The following ANK3 variants were observed in gnomAD, a reference collection of about 807,000 sequenced individuals.
ANK3 encodes the protein ankyrin-3.
ANK3 carries 57 observed loss-of-function variants against 370.9 expected under a neutral mutation model. The ratio of observed to expected loss-of-function variants is 0.15; its 90% CI spans 0.12 to 0.19. ANK3 has a LOEUF of 0.19. Ranked by LOEUF, ANK3 falls within the 10% of genes least tolerant of loss-of-function variation. The pLI is 1.00. For synonymous variants in ANK3, 1,929 were observed against 1,946.3 expected (o/e 0.99, Z 0.23); for missense variants, 4,439 against 5,302.1 (o/e 0.84, Z 5.06).
At chr10:60,697,942 G>T (rs2079486320) in intron 1 of ANK3, among the ~76,000 whole-genome samples, 1 of 151,770 alleles carries the variant, frequency 6.6e-6, no homozygotes, top group African/African-American at 2.4e-5. Flanking sequence ...CACAGCAAAA[G>T]AAACTACCAT....
chr10:60,344,563 A>G (rs2132995194), intron 1 of ANK3, among the ~76,000 whole-genome samples: 1 of 152,262 alleles, frequency 6.6e-6, no homozygotes, highest in South Asian at 2.1e-4. Flanking sequence ...GGCCATTATA[A>G]AGAACACTCC....
At chr10:60,045,536 G>A (rs955129715) in intron 42 of ANK3, among the ~76,000 whole-genome samples, 2 of 152,182 alleles carry the variant, frequency 1.3e-5, no homozygotes, top group Non-Finnish European at 2.9e-5. Flanking sequence ...TATAGTTCGG[G>A]AGAACAAGGA....
intron 1 of ANK3, among the ~76,000 whole-genome samples, chr10:60,289,898 A>G (rs150788014): frequency 6.6e-6 from 1 of 152,312 alleles, no homozygotes; most frequent in African/African-American, 2.4e-5. Context: ...TGAAAGGCCC[A>G]TTCTTCTGTG....
At chr10:60,411,240 A>C (rs1039716431) in intron 2 of ANK3, among the ~76,000 whole-genome samples, 1 of 152,230 alleles carries the variant, frequency 6.6e-6, no homozygotes, top group African/African-American at 2.4e-5. Context: ...TAGGAAGAGG[A>C]GGGACAAAAA....
intron 8 of ANK3, among the ~76,000 whole-genome samples, chr10:60,231,150 A>C (rs1270723584): frequency 6.6e-6 from 1 of 152,180 alleles, no homozygotes; most frequent in Non-Finnish European, 1.5e-5. Context: ...GTCACACTTA[A>C]GATTACAGAT....
At chr10:60,406,344 T>C (rs1038764402) in intron 2 of ANK3, among the ~76,000 whole-genome samples, 13 of 152,176 alleles carry the variant, frequency 8.5e-5, no homozygotes, top group African/African-American at 1.2e-4. Flanking sequence ...CCCCAGCCTT[T>C]TTGGCACAAG....
Position 60,073,820 on chromosome 10 carries a change from G to A in ANK3, c.7061C>T (p.Pro2354Leu). 2 of 1,613,408 alleles carry A rather than the reference G, an allele frequency of 1.2e-6. No individual in the cohort carries two copies. The highest frequency in any genetic ancestry group is 1.7e-6 in the Non-Finnish European group (2 of 1,179,956). Residue 2354 changes from proline (P) to leucine (L), a missense_variant, in exon 37 of 44, where the codon CCA becomes CTA. Pro to Leu is a moderately conservative substitution (Grantham distance 98). Coordinates refer to ENST00000280772, the MANE Select transcript of ANK3 (RefSeq NM_020987.5). ...CTGATATACATACATTTCTTTTTCTGGATGCTTTTTGGTTTCTCTAATAAT... is the reference window on the plus strand; with the variant it reads ...CTGATATACATACATTTCTTTTTCTAGATGCTTTTTGGTTTCTCTAATAAT... Reference protein sequence around the residue: ...EVIIRETKKHPEKEMYVYQKD... With the variant: ...EVIIRETKKHLEKEMYVYQKD...
intron 1 of ANK3, among the ~76,000 whole-genome samples, chr10:60,316,263 C>A (rs1333560094): frequency 6.6e-6 from 1 of 152,134 alleles, no homozygotes; most frequent in Non-Finnish European, 1.5e-5. Context: ...AGAGACAGAA[C>A]AAGAAATGCT....
At chr10:60,537,042 C>T (rs946361904) in intron 2 of ANK3, among the ~76,000 whole-genome samples, 3 of 151,872 alleles carry the variant, frequency 2.0e-5, no homozygotes, top group Non-Finnish European at 4.4e-5. Context: ...CTACTGTTGA[C>T]ATTCAGCTTC....
At chr10:60,477,559 A>T (rs1432630266) in intron 2 of ANK3, among the ~76,000 whole-genome samples, 1 of 147,788 alleles carries the variant, frequency 6.8e-6, no homozygotes, top group East Asian at 2.0e-4. Context: ...ACACACACAC[A>T]CCAGGTAGCA....
intron 27 of ANK3, chr10:60,108,316 A>G: frequency 3.1e-6 from 1 of 325,664 alleles, no homozygotes; most frequent in South Asian, 2.3e-5. Context: ...CAGAAAGAGA[A>G]ACGAGAAGGG....
chr10:60,624,734 A>C (rs548923841), intron 1 of ANK3, among the ~76,000 whole-genome samples: 5 of 152,104 alleles, frequency 3.3e-5, no homozygotes, highest in South Asian at 4.1e-4. Flanking sequence ...AAAAAAAAAA[A>C]AAAAAACTGG....
chr10:60,449,930 G>A (rs1476826109), intron 2 of ANK3, among the ~76,000 whole-genome samples: 1 of 151,960 alleles, frequency 6.6e-6, no homozygotes, highest in African/African-American at 2.4e-5. Flanking sequence ...AACATAAAAT[G>A]GTCTAAAAGT....
At chr10:60,718,814 G>A (rs567613276) in intron 1 of ANK3, among the ~76,000 whole-genome samples, 157 of 152,218 alleles carry the variant, frequency 1.0e-3, no homozygotes, top group African/African-American at 3.6e-3. Context: ...AGAAGCACTC[G>A]TAAGACCAAA....
intron 2 of ANK3, among the ~76,000 whole-genome samples, chr10:60,435,974 CT>C (rs1319325105): frequency 6.6e-6 from 1 of 151,976 alleles, no homozygotes; most frequent in East Asian, 1.9e-4. Context: ...GTAGTCCCAG[CT>C]TACTCGGGAG....
intron 1 of ANK3, among the ~76,000 whole-genome samples, chr10:60,696,578 G>T (rs1361704897): frequency 6.7e-6 from 1 of 148,908 alleles, no homozygotes; most frequent in African/African-American, 2.5e-5. Flanking sequence ...TTCTTCCCTG[G>T]GATGCAAGGC....
At chr10:60,577,399 T>C (rs961316792) in intron 2 of ANK3, among the ~76,000 whole-genome samples, 6 of 152,112 alleles carry the variant, frequency 3.9e-5, no homozygotes, top group Admixed American at 3.9e-4. Flanking sequence ...TCATCTTGAA[T>C]CCTATAGTTC....
intron 7 of ANK3, among the ~76,000 whole-genome samples, chr10:60,257,207 A>G (rs537614490): frequency 2.0e-5 from 3 of 152,308 alleles, no homozygotes; most frequent in African/African-American, 7.2e-5. Flanking sequence ...AAATAAAGTA[A>G]CCCTTTGTAT....
In ANK3 at chr10:60,283,180, T is replaced by C. The variant is rs368069153; in HGVS notation, c.115-3541A>G. ...GCAAATATTGGATTCTTAACCATTT[T>C]CCCACCAATTTTGCCCATAGAGAAT... On this transcript the variant is annotated intron_variant, in intron 1 of 43. Coordinates refer to ENST00000280772, the MANE Select transcript of ANK3 (RefSeq NM_020987.5). 1.2e-4 allele frequency among the ~76,000 whole-genome samples: 18 copies of C among 152,238 alleles called. No individual in the cohort carries two copies. In the East Asian group the frequency reaches 2.7e-3, roughly 23 times the overall value.
Sources: allele counts gnomAD v4.1 joint callset (sites outside exome capture counted in the v4.1 genomes callset), GRCh38; gene constraint gnomAD v4.1.1; transcripts MANE v1.5; gene names NCBI Gene and HGNC (gene_info 2026-07-23, HGNC 2026-07-21).